Variants in FHOD3 observed in about 807,000 individuals in gnomAD.
The protein encoded by FHOD3 is formin homology 2 domain containing 3.
FHOD3 carries 90 observed loss-of-function variants against 173.0 expected under a neutral mutation model. That is an observed-to-expected ratio of 0.52 (90% CI 0.44 to 0.62). The LOEUF (loss-of-function observed/expected upper bound fraction) is 0.62. Among genes scored for constraint, FHOD3 ranks in the 20% least tolerant of loss-of-function variants. The pLI, the probability that FHOD3 is intolerant of heterozygous loss-of-function variation, is 0.00. For synonymous variants in FHOD3, 828 were observed against 823.0 expected (o/e 1.01, Z -0.10); for missense variants, 1,945 against 2,034.7 (o/e 0.96, Z 0.85).
intron 5 of FHOD3, among the ~76,000 whole-genome samples, chr18:36,565,654 G>A (rs2058236418): frequency 6.6e-6 from 1 of 151,804 alleles, no homozygotes; most frequent in African/African-American, 2.4e-5. Flanking sequence ...TGTACTTTTG[G>A]TAGAAATAAA....
chr18:36,765,908 T>G (rs959348193), intron 27 of FHOD3, among the ~76,000 whole-genome samples: 18 of 151,818 alleles, frequency 1.2e-4, no homozygotes, highest in African/African-American at 3.9e-4. Flanking sequence ...TTTGAAGAGA[T>G]TGAAGAGATT....
chr18:36,509,350 C>T (rs1054460804), intron 4 of FHOD3, among the ~76,000 whole-genome samples: 19 of 149,432 alleles, frequency 1.3e-4, no homozygotes, highest in Admixed American at 6.0e-4. Flanking sequence ...TGGCGTGAAC[C>T]CGGGAGGCGG....
intron 3 of FHOD3, among the ~76,000 whole-genome samples, chr18:36,446,161 A>G (rs2144043646): frequency 6.6e-6 from 1 of 152,320 alleles, no homozygotes; most frequent in Non-Finnish European, 1.5e-5. Flanking sequence ...AGGAGCGAGC[A>G]AGTGTTTGAA....
rs576258914 is a variant in FHOD3, at chr18:36,425,903, C to CT, written c.337+53173dup. ...CACTTCACACACTATTTCTTTCTTT[C>CT]TTTTTTTTTTTTTTCGAGACGAAAT... On this transcript the variant is annotated intron_variant, in intron 3 of 28. Coordinates refer to ENST00000590592, the MANE Select transcript of FHOD3 (RefSeq NM_001281740.3). Among the ~76,000 whole-genome samples the CT allele has an allele frequency of 2.7e-3, 392 of 142,644 alleles. 2 individuals carry two copies. Among genetic ancestry groups the CT allele is most frequent in the African/African-American group, 5.6e-3 (219 of 39,110 alleles). The allele number at this position is 142,644 out of a possible 152,430, so 93.6% of individuals were successfully genotyped here.
rs1435844882 is a variant in FHOD3 at position 36,372,696 on chromosome 18, A to G, written c.289A>G (p.Ser97Gly). The G allele has an allele frequency of 6.2e-7, 1 of 1,614,024 alleles. No homozygotes were observed. The highest frequency in any genetic ancestry group is 1.1e-5 in the South Asian group (1 of 91,036). The change falls in exon 3 of 29, where the codon AGC becomes GGC. Residue 97 changes from serine to glycine, a missense_variant. Coordinates refer to ENST00000590592, the MANE Select transcript of FHOD3 (RefSeq NM_001281740.3). ...QDDAGRGKKHSIILRTQLSVR... is the reference protein window; with the variant it reads ...QDDAGRGKKHGIILRTQLSVR... ...TCTCGTTAGGCGGGGCAAGAAGCAC[A>G]GCATCATCCTAAGGACGCAGCTGTC... is the stretch of plus-strand genomic sequence containing the variant.
chr18:36,367,257 C>T (rs565834924), intron 2 of FHOD3, among the ~76,000 whole-genome samples: 1 of 152,252 alleles, frequency 6.6e-6, no homozygotes, highest in East Asian at 1.9e-4. Context: ...ATAGGGGTTT[C>T]CTTGAGTTGC....
intron 17 of FHOD3, among the ~76,000 whole-genome samples, chr18:36,700,727 A>G (rs2039537232): frequency 6.6e-6 from 1 of 152,112 alleles, no homozygotes; most frequent in Non-Finnish European, 1.5e-5. Flanking sequence ...ATTATCTACC[A>G]CATAAATTCA....
At chr18:36,715,185 C>T (rs980501832) in intron 18 of FHOD3, among the ~76,000 whole-genome samples, 2 of 152,214 alleles carry the variant, frequency 1.3e-5, no homozygotes, top group Non-Finnish European at 2.9e-5. Context: ...ATAATCCCCA[C>T]AGGTCATGGG....
chr18:36,692,982 T>A (rs1215668713), intron 16 of FHOD3: 1 of 580,804 alleles, frequency 1.7e-6, no homozygotes, highest in Non-Finnish European at 3.1e-6. Context: ...GACTGTGTGA[T>A]GCTGCCATTT....
chr18:36,437,520 T>C (rs1231859727), intron 3 of FHOD3, among the ~76,000 whole-genome samples: 2 of 152,212 alleles, frequency 1.3e-5, no homozygotes, highest in Non-Finnish European at 2.9e-5. Context: ...ATATTTGACA[T>C]GTACTTATAC....
chr18:36,759,930 C>T (rs561183651), intron 26 of FHOD3, among the ~76,000 whole-genome samples: 22 of 152,276 alleles, frequency 1.4e-4, no homozygotes, highest in African/African-American at 4.3e-4. Flanking sequence ...TATATATGTC[C>T]TGACCTTTTG....
chr18:36,749,190 T>G (rs192328006), intron 24 of FHOD3, among the ~76,000 whole-genome samples: 146 of 152,346 alleles, frequency 9.6e-4, no homozygotes, highest in African/African-American at 3.2e-3. Flanking sequence ...TGTTTTAACT[T>G]TTATTTTAGG....
chr18:36,659,210 T>A (rs1406597226), intron 14 of FHOD3, among the ~76,000 whole-genome samples: 1 of 152,014 alleles, frequency 6.6e-6, no homozygotes, highest in Non-Finnish European at 1.5e-5. Context: ...GGAAGGGAGG[T>A]CCAGTGGGGT....
At chr18:36,702,901 A>G (rs533157023) in intron 17 of FHOD3, among the ~76,000 whole-genome samples, 63 of 152,334 alleles carry the variant, frequency 4.1e-4, no homozygotes, top group Middle Eastern at 3.4e-3. Flanking sequence ...CCCACCACAC[A>G]GTATAGCCCT....
intron 1 of FHOD3, among the ~76,000 whole-genome samples, chr18:36,302,631 GTTGA>G: frequency 6.6e-6 from 1 of 152,334 alleles, no homozygotes; most frequent in South Asian, 2.1e-4. Context: ...TGTGCACTAA[GTTGA>G]TTGATTGGTG....
intron 3 of FHOD3, among the ~76,000 whole-genome samples, chr18:36,462,772 G>A (rs1015349730): frequency 3.3e-5 from 5 of 152,182 alleles, no homozygotes; most frequent in African/African-American, 4.8e-5. Flanking sequence ...CTACTCGTGT[G>A]TGCCACTATT....
intron 10 of FHOD3, among the ~76,000 whole-genome samples, chr18:36,636,082 G>A (rs1173253651): frequency 6.6e-6 from 1 of 152,116 alleles, no homozygotes; most frequent in Non-Finnish European, 1.5e-5. Context: ...CTTGCTTTGG[G>A]AATTTTCTTT....
intron 3 of FHOD3, among the ~76,000 whole-genome samples, chr18:36,373,071 G>T (rs943143096): frequency 5.3e-5 from 8 of 152,114 alleles, no homozygotes; most frequent in Non-Finnish European, 1.2e-4. Flanking sequence ...GCCTCCTGGT[G>T]GCTCTGTGAG....
intron 3 of FHOD3, among the ~76,000 whole-genome samples, chr18:36,488,914 C>A (rs547889356): frequency 1.3e-5 from 2 of 152,226 alleles, no homozygotes; most frequent in Non-Finnish European, 1.5e-5. Context: ...GAGAAAATGG[C>A]CCCCAAGAGC....
Sources: allele counts gnomAD v4.1 joint callset (sites outside exome capture counted in the v4.1 genomes callset), GRCh38; gene constraint gnomAD v4.1.1; transcripts MANE v1.5; gene names NCBI Gene and HGNC (gene_info 2026-07-23, HGNC 2026-07-21).